The following SMOC1 variants were observed in gnomAD, a reference collection of about 807,000 sequenced individuals.
The protein encoded by SMOC1 is SPARC related modular calcium binding 1.
In SMOC1, 22 loss-of-function variants were observed where a neutral mutation model predicts 56.3. The ratio of observed to expected loss-of-function variants is 0.39; its 90% confidence interval spans 0.28 to 0.56. SMOC1 has a LOEUF of 0.56. Among genes scored for constraint, SMOC1 ranks in the 20% least tolerant of loss-of-function variants. The pLI is 0.61. For synonymous variants in SMOC1, 193 were observed against 215.0 expected (o/e 0.90, Z 0.89); for missense variants, 509 against 565.4 (o/e 0.90, Z 1.01).
rs1447169812 is a variant in SMOC1 at position 69,961,272 on chromosome 14, G to GTGTATA, written c.378+7741_378+7742insGTATAT. 1.5e-3 allele frequency among the ~76,000 whole-genome samples: 116 copies of GTGTATA among 74,976 alleles called. 6 individuals are homozygous for GTGTATA. The highest frequency in any genetic ancestry group is 4.4e-3 in the African/African-American group (73 of 16,454). The allele number at this position is 74,976 out of a possible 152,430, so 49.2% of individuals were successfully genotyped here. On this transcript the variant is annotated intron_variant, in intron 3 of 11. Transcript: ENST00000361956. Reference sequence around the variant, plus strand: ...TTATTGTCAAGCAATATTCTATTGTGTATATATATATATATATATATATAT... The same window carrying GTGTATA: ...TTATTGTCAAGCAATATTCTATTGTGTGTATATATATATATATATATATATATATAT...
chr14:69,926,306 C>A (rs1885010786), intron 1 of SMOC1, among the ~76,000 whole-genome samples: 1 of 152,216 alleles, frequency 6.6e-6, no homozygotes. Flanking sequence ...CAGGGCCAAT[C>A]AATCAGCTGC....
chr14:69,992,378 T>C (rs960617256), intron 5 of SMOC1, 39 bp from the exon 6 acceptor site: 2 of 1,610,810 alleles, frequency 1.2e-6, no homozygotes, highest in South Asian at 1.1e-5. Flanking sequence ...ACCTCAATAA[T>C]GGTAGTCTCC....
At chr14:69,954,718 A>G (rs117081499) in intron 3 of SMOC1, among the ~76,000 whole-genome samples, 4,348 of 152,240 alleles carry the variant, frequency 0.029, 85 homozygotes, top group Non-Finnish European at 0.047. Context: ...GGCACCTGCA[A>G]TTTCTTTGTC....
At chr14:70,001,177 CTG>C (rs1884956086) in intron 7 of SMOC1, among the ~76,000 whole-genome samples, 1 of 152,084 alleles carries the variant, frequency 6.6e-6, no homozygotes, top group Non-Finnish European at 1.5e-5. Context: ...AATTGTAAGA[CTG>C]TGGGCCGTTA....
intron 1 of SMOC1, among the ~76,000 whole-genome samples, chr14:69,903,075 G>C (rs1376143630): frequency 6.6e-6 from 1 of 151,822 alleles, no homozygotes; most frequent in African/African-American, 2.4e-5. Context: ...CTGCCTGGCC[G>C]CCCATCATCT....
At chr14:69,940,366 A>T (rs1555360407) in intron 1 of SMOC1, among the ~76,000 whole-genome samples, 1 of 152,232 alleles carries the variant, frequency 6.6e-6, no homozygotes, top group Non-Finnish European at 1.5e-5. Context: ...GCCACAAGCC[A>T]GCAGGCTCAG....
chr14:69,950,467 A>G (rs534728115), intron 1 of SMOC1, among the ~76,000 whole-genome samples: 24 of 152,346 alleles, frequency 1.6e-4, no homozygotes, highest in African/African-American at 5.8e-4. Flanking sequence ...TACATTAGAG[A>G]CAGAGCTTGT....
chr14:69,934,156 C>T (rs922192313), intron 1 of SMOC1, among the ~76,000 whole-genome samples: 1 of 152,170 alleles, frequency 6.6e-6, no homozygotes, highest in African/African-American at 2.4e-5. Flanking sequence ...CACTGAAAGT[C>T]CATGTTTTTA....
intron 7 of SMOC1, among the ~76,000 whole-genome samples, chr14:69,994,784 A>G (rs1449290191): frequency 6.6e-6 from 1 of 152,202 alleles, no homozygotes; most frequent in Admixed American, 6.5e-5. Context: ...GAATGACTGG[A>G]CATAAAGAAG....
chr14:70,011,466 C>CCAAAA lies in SMOC1; in HGVS notation c.858-19_858-18insCAAAA. The CCAAAA allele has an allele frequency of 3.2e-6, 5 of 1,561,676 alleles. No homozygotes were observed. The highest frequency in any genetic ancestry group is 4.4e-6 in the Non-Finnish European group (5 of 1,133,412). The stretch of plus-strand genomic sequence containing the variant: ...GTTGCCAGCCCCTCCCAACCCCCCC[C>CCAAAA]ATATCTCTCTTTTCCCAGCTACGTG... On this transcript the variant is annotated intron_variant, in intron 8 of 11. Transcript: ENST00000361956.
At chr14:69,961,278 A>G (rs953003713) in intron 3 of SMOC1, among the ~76,000 whole-genome samples, 1,282 of 47,112 alleles carry the variant, frequency 0.027, 59 homozygotes, top group African/African-American at 0.055. Context: ...TTGTGTATAT[A>G]TATATATATA....
intron 1 of SMOC1, among the ~76,000 whole-genome samples, chr14:69,882,214 C>A (rs147588753): frequency 6.6e-6 from 1 of 152,074 alleles, no homozygotes; most frequent in Non-Finnish European, 1.5e-5. Flanking sequence ...CGGCGTCATC[C>A]GAGGAGCAGA....
chr14:70,000,672 A>G (rs1027101431), intron 7 of SMOC1, among the ~76,000 whole-genome samples: 10 of 152,148 alleles, frequency 6.6e-5, no homozygotes, highest in African/African-American at 2.2e-4. Context: ...TAGAATTTCG[A>G]TCTTGTTCTT....
chr14:69,991,893 A>G (rs946251186), intron 5 of SMOC1, among the ~76,000 whole-genome samples: 1 of 152,176 alleles, frequency 6.6e-6, no homozygotes, highest in African/African-American at 2.4e-5. Flanking sequence ...AAAGTGGAGA[A>G]ACAGTGAGGA....
intron 1 of SMOC1, among the ~76,000 whole-genome samples, chr14:69,921,832 A>G (rs759981247): frequency 2.6e-5 from 4 of 152,190 alleles, no homozygotes; most frequent in South Asian, 2.1e-4. Flanking sequence ...GTGTTTTGCA[A>G]TGGGAACCAG....
chr14:69,919,117 G>A (rs1220279869), intron 1 of SMOC1, among the ~76,000 whole-genome samples: 2 of 152,200 alleles, frequency 1.3e-5, no homozygotes, highest in Non-Finnish European at 2.9e-5. Flanking sequence ...ACTTTTTGCA[G>A]AAGAGGGTAG....
chr14:69,976,772 T>C (rs1883975177), intron 4 of SMOC1, among the ~76,000 whole-genome samples: 1 of 152,228 alleles, frequency 6.6e-6, no homozygotes, highest in African/African-American at 2.4e-5. Context: ...TTGATTTACA[T>C]ATTTTTCATT....
chr14:69,935,649 C>A (rs1349004797), intron 1 of SMOC1, among the ~76,000 whole-genome samples: 1 of 152,166 alleles, frequency 6.6e-6, no homozygotes, highest in East Asian at 1.9e-4. Context: ...AGAACCTCCT[C>A]CAAGGAGCTT....
chr14:69,997,721 T>G (rs745873026), intron 7 of SMOC1, among the ~76,000 whole-genome samples: 7 of 152,236 alleles, frequency 4.6e-5, no homozygotes, highest in Non-Finnish European at 7.3e-5. Flanking sequence ...TTTGGTTTAA[T>G]GAGAAGTCAG....
Sources: gnomAD v4.1 joint callset for allele counts (sites outside exome capture counted in the v4.1 genomes callset) on GRCh38, gnomAD v4.1.1 for gene constraint, MANE v1.5 for transcripts, NCBI Gene and HGNC (gene_info 2026-07-23, HGNC 2026-07-21) for gene names.